NPFFR2: variants seen among roughly 807,000 people sequenced by gnomAD.
NPFFR2 encodes the protein G-protein coupled receptor 74.
A neutral mutation model predicts 13.1 loss-of-function variants in NPFFR2; 15 were observed. That is an observed-to-expected ratio of 1.15 (90% CI 0.77 to 1.76). The LOEUF is 1.76. Among genes scored for constraint, NPFFR2 ranks in the 40% most tolerant of loss-of-function variants. The pLI, the probability that NPFFR2 is intolerant of heterozygous loss-of-function variation, is 0.00. For synonymous variants in NPFFR2, 190 were observed against 175.7 expected (o/e 1.08, Z -0.65); for missense variants, 572 against 503.5 (o/e 1.14, Z -1.30).
intron 1 of NPFFR2, among the ~76,000 whole-genome samples, chr4:72,039,854 C>T (rs1485239955): frequency 6.6e-6 from 1 of 152,138 alleles, no homozygotes; most frequent in African/African-American, 2.4e-5. Flanking sequence ...TACCAGAAGA[C>T]TATGACACTG....
At chr4:72,134,338 T>G (rs1219737013) in intron 2 of NPFFR2, among the ~76,000 whole-genome samples, 3 of 151,950 alleles carry the variant, frequency 2.0e-5, no homozygotes, top group African/African-American at 2.4e-5. Context: ...CTTCAGCAAT[T>G]TTTGCTTTTT....
chr4:72,045,990 T>C (rs1719368877), intron 1 of NPFFR2, among the ~76,000 whole-genome samples: 1 of 152,134 alleles, frequency 6.6e-6, no homozygotes, highest in South Asian at 2.1e-4. Context: ...TATATAAAGA[T>C]GTTTATTGCA....
intron 2 of NPFFR2, among the ~76,000 whole-genome samples, chr4:72,133,786 GT>G (rs766454115): frequency 6.6e-6 from 1 of 152,074 alleles, no homozygotes; most frequent in Non-Finnish European, 1.5e-5. Flanking sequence ...ATGAGATTGA[GT>G]TCCTGATTTG....
intron 2 of NPFFR2, among the ~76,000 whole-genome samples, chr4:72,134,093 C>G (rs1345602592): frequency 6.6e-6 from 1 of 152,002 alleles, no homozygotes; most frequent in African/African-American, 2.4e-5. Context: ...GGTGAAACCC[C>G]ATCTCTATGA....
intron 1 of NPFFR2, chr4:72,068,771 G>A (rs1010377523): frequency 9.4e-6 from 3 of 319,786 alleles, no homozygotes; most frequent in South Asian, 1.3e-4. Flanking sequence ...ATAGAATAAC[G>A]GTTCTATGCT....
At chr4:72,109,247 T>C (rs1721497722) in intron 1 of NPFFR2, among the ~76,000 whole-genome samples, 1 of 152,046 alleles carries the variant, frequency 6.6e-6, no homozygotes, top group Non-Finnish European at 1.5e-5. Flanking sequence ...CTTGAGCTTA[T>C]TTATTTTGCA....
chr4:72,142,173 T>C (rs1722649543), intron 3 of NPFFR2, among the ~76,000 whole-genome samples: 1 of 152,194 alleles, frequency 6.6e-6, no homozygotes, highest in South Asian at 2.1e-4. Context: ...GAGATGGGTC[T>C]CCTGAATACG....
At chr4:72,111,927 T>G (rs1187243935) in intron 1 of NPFFR2, among the ~76,000 whole-genome samples, 1 of 152,030 alleles carries the variant, frequency 6.6e-6, no homozygotes, top group Non-Finnish European at 1.5e-5. Context: ...CTGCCTTGAT[T>G]TATCATAAGT....
intron 1 of NPFFR2, among the ~76,000 whole-genome samples, chr4:72,066,212 G>T (rs772691993): frequency 6.6e-6 from 1 of 152,090 alleles, no homozygotes; most frequent in Non-Finnish European, 1.5e-5. Flanking sequence ...AAGGTGGAAG[G>T]CATAAGGGCA....
intron 1 of NPFFR2, among the ~76,000 whole-genome samples, chr4:72,102,992 C>T (rs990093823): frequency 5.3e-5 from 8 of 152,210 alleles, no homozygotes; most frequent in East Asian, 1.9e-4. Context: ...CCACCAACAG[C>T]GTCAAAGTGT....
intron 1 of NPFFR2, among the ~76,000 whole-genome samples, chr4:72,042,117 C>T (rs1408493609): frequency 1.3e-5 from 2 of 152,132 alleles, no homozygotes; most frequent in African/African-American, 2.4e-5. Context: ...TTATAGTTCT[C>T]ATAATCCCCA....
chr4:72,147,913 A>G lies in NPFFR2; in HGVS notation c.*101A>G, dbSNP rs1157133660. ...TCAAATTTTTCAAAGAATGTTCTAA[A>G]TAAAACATTTACTGAAAGCCCTCTC... On this transcript the variant is annotated 3_prime_UTR_variant, in exon 4 of 4. Transcript: ENST00000308744. The G allele has an allele frequency of 1.9e-5, 18 of 925,184 alleles. 1 individual carries two copies. The highest frequency in any genetic ancestry group is 1.3e-4 in the South Asian group (6 of 46,260). The allele number at this position is 925,184 out of a possible 1,614,324, so 57.3% of individuals were successfully genotyped here.
intron 3 of NPFFR2, among the ~76,000 whole-genome samples, chr4:72,144,922 G>A (rs1020379942): frequency 5.9e-5 from 9 of 152,028 alleles, no homozygotes; most frequent in Non-Finnish European, 1.0e-4. Flanking sequence ...ACTGGCCTTC[G>A]GGCTCAGGAA....
chr4:72,070,578 C>T, intron 1 of NPFFR2, among the ~76,000 whole-genome samples: 1 of 6,794 alleles, frequency 1.5e-4, no homozygotes, highest in African/African-American at 3.3e-4. Context: ...GGGGGTGGGG[C>T]TCTGGTGGCC....
chr4:72,120,031 T>C (rs2109826812), intron 1 of NPFFR2, among the ~76,000 whole-genome samples: 1 of 152,258 alleles, frequency 6.6e-6, no homozygotes, highest in South Asian at 2.1e-4. Flanking sequence ...ATCCACTGGC[T>C]TGAATTTCTC....
chr4:72,105,134 C>T lies in NPFFR2; in HGVS notation c.-7-23451C>T, dbSNP rs145877756. ...ACTTTGAGAAGTAAATTTAGGTGTT[C>T]ATAAATTAAGGAGAAAGTAGCCAAT... On this transcript the variant is annotated intron_variant, in intron 1 of 3. Transcript: ENST00000308744. 1.4e-3 allele frequency among the ~76,000 whole-genome samples: 210 copies of T among 151,224 alleles called. 1 individual carries two copies. Among genetic ancestry groups the T allele is most frequent in the African/African-American group, 5.0e-3 (206 of 41,326 alleles).
rs1025564559 is a variant in NPFFR2, at chr4:72,102,511, T to C, written c.-7-26074T>C. 3.3e-4 allele frequency among the ~76,000 whole-genome samples: 49 copies of C among 149,690 alleles called. 1 individual carries two copies. Among genetic ancestry groups the C allele is most frequent in the African/African-American group, 7.4e-5 (3 of 40,728 alleles). ...CATTTACATTAGGTATATCTCCTAA[T>C]GCTATCCCTCCCCCCTCCCCCCACC... is the stretch of plus-strand genomic sequence containing the variant. On this transcript the variant is annotated intron_variant, in intron 1 of 3. Transcript: ENST00000308744.
chr4:72,122,221 G>A (rs1251531475), intron 1 of NPFFR2, among the ~76,000 whole-genome samples: 1 of 152,126 alleles, frequency 6.6e-6, no homozygotes, highest in Admixed American at 6.5e-5. Flanking sequence ...AAATTTATAT[G>A]CACCCATACA....
In NPFFR2 at chr4:72,032,194, G is replaced by T; in HGVS notation, c.-14G>T. The T allele has an allele frequency of 6.2e-7, 1 of 1,607,382 alleles. No individual in the cohort carries two copies. Among genetic ancestry groups the T allele is most frequent in the South Asian group, 1.1e-5 (1 of 89,916 alleles). On this transcript the variant is annotated 5_prime_UTR_variant, in exon 1 of 4. Coordinates refer to ENST00000308744, the MANE Select transcript of NPFFR2 (RefSeq NM_004885.3). Reference sequence around the variant, plus strand: ...GTTCCTGCCGCCGACAGGGCTCGCCGGGAGAGGTAACAGCATGGGCCAGTT... The same window carrying T: ...GTTCCTGCCGCCGACAGGGCTCGCCTGGAGAGGTAACAGCATGGGCCAGTT...
Sources: gnomAD v4.1 joint callset for allele counts (sites outside exome capture counted in the v4.1 genomes callset) on GRCh38, gnomAD v4.1.1 for gene constraint, MANE v1.5 for transcripts, NCBI Gene and HGNC (gene_info 2026-07-23, HGNC 2026-07-21) for gene names.